The following DCDC2 variants were observed in gnomAD, a reference collection of about 807,000 sequenced individuals.
The protein encoded by DCDC2 is doublecortin domain containing 2.
A neutral mutation model predicts 50.2 loss-of-function variants in DCDC2; 40 were observed. The ratio of observed to expected loss-of-function variants is 0.80; its 90% CI spans 0.62 to 1.04. DCDC2 has a LOEUF of 1.04. Among genes scored for constraint, DCDC2 ranks in the 50% least tolerant of loss-of-function variants. The pLI is 0.00. For missense variants in DCDC2, 570 were observed against 581.9 expected, an observed-to-expected ratio of 0.98 and a Z score of 0.21; for synonymous variants, 234 against 210.6, an observed-to-expected ratio of 1.11 and a Z score of -0.96.
At chr6:24,251,072 T>A (rs1024194641) in intron 7 of DCDC2, among the ~76,000 whole-genome samples, 11 of 152,208 alleles carry the variant, frequency 7.2e-5, no homozygotes, top group African/African-American at 2.4e-4. Context: ...TTAAAATTTG[T>A]AAATTGTTGC....
chr6:24,360,391 C>T (rs1177308073), upstream of DCDC2, among the ~76,000 whole-genome samples: 1 of 152,174 alleles, frequency 6.6e-6, no homozygotes, highest in Non-Finnish European at 1.5e-5. Context: ...AAAGGAAAAC[C>T]TACAAAATTT....
At chr6:24,248,971 T>C (rs1051653989) in intron 7 of DCDC2, among the ~76,000 whole-genome samples, 2 of 152,228 alleles carry the variant, frequency 1.3e-5, no homozygotes, top group South Asian at 4.1e-4. Flanking sequence ...TGAGCAGCTT[T>C]AGTTTCTTTT....
intron 5 of DCDC2, among the ~76,000 whole-genome samples, chr6:24,289,706 A>G (rs1247346065): frequency 2.6e-5 from 4 of 152,214 alleles, no homozygotes; most frequent in Non-Finnish European, 5.9e-5. Flanking sequence ...GTGCTCTTGC[A>G]TAGTTCAAAC....
At chr6:24,359,377 A>T (rs1393555953), upstream of DCDC2, among the ~76,000 whole-genome samples, 1 of 70,434 alleles carries the variant, frequency 1.4e-5, no homozygotes, top group African/African-American at 5.9e-5. Flanking sequence ...TATTATATAT[A>T]TTTTATATAT....
At chr6:24,321,736 T>G (rs1033631840) in intron 2 of DCDC2, among the ~76,000 whole-genome samples, 2 of 152,224 alleles carry the variant, frequency 1.3e-5, no homozygotes, top group Non-Finnish European at 2.9e-5. Flanking sequence ...TCCCAGTCTC[T>G]GTGGGAGGAT....
At chr6:24,296,011 T>C (rs1759226303) in intron 4 of DCDC2, among the ~76,000 whole-genome samples, 1 of 152,116 alleles carries the variant, frequency 6.6e-6, no homozygotes, top group Non-Finnish European at 1.5e-5. Flanking sequence ...AGAACCTAAA[T>C]AGCCAACACA....
chr6:24,244,709 G>A (rs954395757), intron 7 of DCDC2, among the ~76,000 whole-genome samples: 3 of 152,082 alleles, frequency 2.0e-5, no homozygotes, highest in Non-Finnish European at 2.9e-5. Context: ...CAGCTCCCCC[G>A]GGGTGCCCAA....
In DCDC2 at chr6:24,193,990, A is replaced by G. The variant is rs373648200; in HGVS notation, c.1023+11012T>C. ...CATCTAAAATAAAAGAATTTTTTAA[A>G]TTAAAGTTTAATTAAAATCATTTTT... On this transcript the variant is annotated intron_variant, in intron 8 of 9. Transcript: ENST00000378454. Among the ~76,000 whole-genome samples the G allele has an allele frequency of 6.9e-4, 105 of 152,252 alleles. No individual in the cohort carries two copies. In the South Asian group the frequency reaches 0.021, roughly 30 times the overall value.
intron 7 of DCDC2, among the ~76,000 whole-genome samples, chr6:24,277,004 C>A (rs972245083): frequency 6.6e-6 from 1 of 152,246 alleles, no homozygotes; most frequent in African/African-American, 2.4e-5. Context: ...CTGGTTCACC[C>A]ATTTCGCCTG....
intron 7 of DCDC2, among the ~76,000 whole-genome samples, chr6:24,218,352 C>A (rs1174318938): frequency 6.6e-6 from 1 of 152,146 alleles, no homozygotes. Flanking sequence ...GTTGCTCCAA[C>A]AACAGATATT....
intron 7 of DCDC2, among the ~76,000 whole-genome samples, chr6:24,232,605 C>G (rs942229611): frequency 1.3e-5 from 2 of 152,146 alleles, no homozygotes; most frequent in Admixed American, 6.5e-5. Context: ...ATGACTAGAC[C>G]CATATTTTTC....
intron 2 of DCDC2, among the ~76,000 whole-genome samples, chr6:24,346,755 A>AG (rs1760265150): frequency 6.8e-6 from 1 of 147,228 alleles, no homozygotes; most frequent in Admixed American, 6.8e-5. Flanking sequence ...CTCCATCTCA[A>AG]AAAAAAAAAA....
intron 7 of DCDC2, among the ~76,000 whole-genome samples, chr6:24,208,363 CTTTTTTTTTT>C (rs34475687): frequency 1.3e-4 from 11 of 84,424 alleles, no homozygotes; most frequent in African/African-American, 5.2e-4. Context: ...CTCTGTGCTA[CTTTTTTTTTT>C]TTTTTTTTTT....
intron 2 of DCDC2, among the ~76,000 whole-genome samples, chr6:24,312,798 C>G (rs1469284685): frequency 6.6e-6 from 1 of 152,172 alleles, no homozygotes; most frequent in Non-Finnish European, 1.5e-5. Flanking sequence ...CCTCCATTCA[C>G]TGAGACAGGA....
chr6:24,174,860 G>C, intron 9 of DCDC2, 26 bp from the exon 10 acceptor site: 2 of 1,493,518 alleles, frequency 1.3e-6, no homozygotes, highest in Non-Finnish European at 1.8e-6. Context: ...TCAAAACAAA[G>C]GTATTCAGCT....
intron 2 of DCDC2, among the ~76,000 whole-genome samples, chr6:24,302,426 A>G (rs1759398786): frequency 6.6e-6 from 1 of 152,090 alleles, no homozygotes; most frequent in African/African-American, 2.4e-5. Context: ...GCAGCCCAAC[A>G]TACTGTGTTC....
chr6:24,338,151 A>G (rs779991840), intron 2 of DCDC2, among the ~76,000 whole-genome samples: 4 of 152,208 alleles, frequency 2.6e-5, no homozygotes, highest in Non-Finnish European at 4.4e-5. Context: ...CTACTTCATA[A>G]GGTTGTTGTG....
At chr6:24,198,369 G>A (rs896643971) in intron 8 of DCDC2, among the ~76,000 whole-genome samples, 3 of 152,270 alleles carry the variant, frequency 2.0e-5, no homozygotes, top group Middle Eastern at 3.4e-3. Flanking sequence ...GAAGCAGGGT[G>A]GGGGGCACTG....
chr6:24,237,162 G>A (rs1250929130), intron 7 of DCDC2, among the ~76,000 whole-genome samples: 1 of 148,508 alleles, frequency 6.7e-6, no homozygotes, highest in Non-Finnish European at 1.5e-5. Context: ...TCTCACTCTA[G>A]TCAGAATGGC....
Sources: allele counts gnomAD v4.1 joint callset (sites outside exome capture counted in the v4.1 genomes callset), GRCh38; gene constraint gnomAD v4.1.1; transcripts MANE v1.5; gene names NCBI Gene and HGNC (gene_info 2026-07-23, HGNC 2026-07-21).